DLGAP4: variants seen among roughly 807,000 people sequenced by gnomAD.
DLGAP4 encodes the protein disks large-associated protein 4.
DLGAP4 carries 18 observed loss-of-function variants against 86.9 expected under a neutral mutation model. That is an observed-to-expected ratio of 0.21 (90% CI 0.14 to 0.31). DLGAP4 has a LOEUF of 0.31. Ranked by LOEUF, DLGAP4 falls within the 10% of genes least tolerant of loss-of-function variation. The pLI is 1.00. For missense variants in DLGAP4, 1,085 were observed against 1,362.6 expected (o/e 0.80, Z 3.21); for synonymous variants, 548 against 574.3 (o/e 0.95, Z 0.65).
intron 1 of DLGAP4, among the ~76,000 whole-genome samples, chr20:36,326,416 C>T (rs1384941941): frequency 2.6e-5 from 4 of 152,162 alleles, no homozygotes; most frequent in Non-Finnish European, 5.9e-5. Context: ...TTACAATCTA[C>T]ACTTTAAACT....
chr20:36,332,812 C>T (rs1234643905), intron 1 of DLGAP4, among the ~76,000 whole-genome samples: 1 of 151,960 alleles, frequency 6.6e-6, no homozygotes, highest in African/African-American at 2.4e-5. Context: ...CCCATCCCAG[C>T]CCCCCACCAG....
At chr20:36,383,163 G>T (rs1378605479) in intron 2 of DLGAP4, among the ~76,000 whole-genome samples, 1 of 152,174 alleles carries the variant, frequency 6.6e-6, no homozygotes, top group Non-Finnish European at 1.5e-5. Flanking sequence ...CTCCGCTGGG[G>T]TCTCCACTGA....
rs199806581 is a variant in DLGAP4 at position 36,366,807 on chromosome 20, A to C, written c.-303-238A>C. On this transcript the variant is annotated intron_variant, in intron 1 of 12. Transcript: ENST00000339266. ...TGTGGGGATTCTGTGGGTGGTGGGA[A>C]AGGCACTGTAAATATGCATGACATG... 5.3e-5 allele frequency among the ~76,000 whole-genome samples: 8 copies of C among 152,280 alleles called. No homozygotes were observed. In the East Asian group the frequency reaches 1.5e-3, roughly 29 times the overall value.
rs6127371 is a variant in DLGAP4, at chr20:36,505,463, T to C, written c.2512+4852T>C. ...TAGGGCTTGTTTTAAGTAGGCTTTC[T>C]ATGGACCCCTTCTTAGAATAGTGGT... On this transcript the variant is annotated intron_variant, in intron 10 of 12. Coordinates refer to ENST00000339266, the MANE Select transcript of DLGAP4 (RefSeq NM_001365621.2). Among the ~76,000 whole-genome samples the C allele has an allele frequency of 6.6e-5, 10 of 152,292 alleles. No homozygotes were observed. The East Asian group carries it at 1.9e-3, about 29-fold the overall frequency.
chr20:36,524,613 T>G (rs1302735500), intron 11 of DLGAP4, among the ~76,000 whole-genome samples: 1 of 152,184 alleles, frequency 6.6e-6, no homozygotes, highest in Non-Finnish European at 1.5e-5. Context: ...ATAAAATATA[T>G]TCTGTATCGG....
chr20:36,406,414 A>AT, intron 2 of DLGAP4, among the ~76,000 whole-genome samples: 1 of 151,218 alleles, frequency 6.6e-6, no homozygotes, highest in Admixed American at 6.6e-5. Flanking sequence ...AAAAAAAAAA[A>AT]AAATTCACCC....
At chr20:36,385,142 G>C (rs2031549139) in intron 2 of DLGAP4, among the ~76,000 whole-genome samples, 2 of 152,068 alleles carry the variant, frequency 1.3e-5, no homozygotes, top group Admixed American at 6.6e-5. Flanking sequence ...TAGGAATATG[G>C]CACCACCACC....
rs1421885284 is a variant in DLGAP4, at chr20:36,527,313, C to T, written c.*282C>T. 4 of 282,032 alleles carry T rather than the reference C, an allele frequency of 1.4e-5. No homozygotes were observed. Among genetic ancestry groups the T allele is most frequent in the South Asian group, 6.5e-5 (1 of 15,408 alleles). The allele number at this position is 282,032 out of a possible 1,614,324, so 17.5% of individuals were successfully genotyped here. A position where few individuals can be genotyped will look rare whatever the true frequency, so the allele number is the denominator to read the frequency against. ...CGTGGTGGACTAGATAGATGGACGTCGGCAACTCCCGGCCCAGCCTCCATA... is the reference window on the plus strand; with the variant it reads ...CGTGGTGGACTAGATAGATGGACGTTGGCAACTCCCGGCCCAGCCTCCATA... On this transcript the variant is annotated 3_prime_UTR_variant, in exon 13 of 13. Coordinates refer to ENST00000339266, the MANE Select transcript of DLGAP4 (RefSeq NM_001365621.2).
At chr20:36,310,074 T>G (rs2065038563) in intron 1 of DLGAP4, among the ~76,000 whole-genome samples, 1 of 151,932 alleles carries the variant, frequency 6.6e-6, no homozygotes, top group African/African-American at 2.4e-5. Context: ...TGGCCCATGC[T>G]TGTAATCCCA....
chr20:36,507,527 C>T (rs564158403), intron 10 of DLGAP4, among the ~76,000 whole-genome samples: 14 of 152,258 alleles, frequency 9.2e-5, no homozygotes, highest in East Asian at 1.9e-4. Flanking sequence ...CACACCCAGC[C>T]GTGGCCACAA....
intron 2 of DLGAP4, among the ~76,000 whole-genome samples, chr20:36,377,512 T>C (rs921836350): frequency 6.6e-6 from 1 of 152,226 alleles, no homozygotes; most frequent in African/African-American, 2.4e-5. Context: ...GAATGGTGGC[T>C]ATTATTACTG....
chr20:36,328,312 C>T (rs1214845604), intron 1 of DLGAP4, among the ~76,000 whole-genome samples: 3 of 152,148 alleles, frequency 2.0e-5, no homozygotes, highest in Non-Finnish European at 4.4e-5. Context: ...TCAGCTTCTC[C>T]TGGGCATCTT....
intron 1 of DLGAP4, among the ~76,000 whole-genome samples, chr20:36,328,651 G>A (rs782648472): frequency 2.0e-5 from 3 of 151,802 alleles, no homozygotes; most frequent in Non-Finnish European, 2.9e-5. Flanking sequence ...TTTTTGAGAC[G>A]GAATTTTGCT....
At chr20:36,399,982 A>G (rs919152454) in intron 2 of DLGAP4, among the ~76,000 whole-genome samples, 6 of 152,208 alleles carry the variant, frequency 3.9e-5, no homozygotes, top group African/African-American at 1.4e-4. Flanking sequence ...AAACTTTCAC[A>G]ATGAAGAATT....
chr20:36,504,990 C>CTTTTTTTTTTTTTT (rs757067668), intron 10 of DLGAP4, among the ~76,000 whole-genome samples: 1 of 140,236 alleles, frequency 7.1e-6, no homozygotes, highest in African/African-American at 2.6e-5. Context: ...CACACAGGTT[C>CTTTTTTTTTTTTTT]TTTTTTTTTT....
In DLGAP4 at chr20:36,393,468, G is replaced by A. The variant is rs888453145; in HGVS notation, c.-73+26193G>A. Among the ~76,000 whole-genome samples, 19 of 152,126 alleles carry A rather than the reference G, an allele frequency of 1.2e-4. No homozygotes were observed. Among genetic ancestry groups the A allele is most frequent in the African/African-American group, 4.3e-4 (18 of 41,412 alleles). ...GCTGGGCTCCTGGGAGACGCTCTGGGGTCTGGAAACCCAGCCCTCTTGGTA... is the reference window on the plus strand; with the variant it reads ...GCTGGGCTCCTGGGAGACGCTCTGGAGTCTGGAAACCCAGCCCTCTTGGTA... On this transcript the variant is annotated intron_variant, in intron 2 of 12. Coordinates refer to ENST00000339266, the MANE Select transcript of DLGAP4 (RefSeq NM_001365621.2). The surrounding 1 kb of genome is among the most constrained non-coding windows in gnomAD (Gnocchi z 4.4).
intron 1 of DLGAP4, among the ~76,000 whole-genome samples, chr20:36,330,111 G>A (rs370144416): frequency 1.8e-4 from 27 of 151,860 alleles, no homozygotes; most frequent in East Asian, 1.5e-3. Flanking sequence ...TCCTAATGCC[G>A]TTCTGTTTTC....
chr20:36,504,249 TC>T (rs2036267870), intron 10 of DLGAP4, among the ~76,000 whole-genome samples: 1 of 152,202 alleles, frequency 6.6e-6, no homozygotes, highest in Non-Finnish European at 1.5e-5. Context: ...TTCCCCATTA[TC>T]CCCTCTGCCT....
At chr20:36,487,902 T>C (rs2035485312) in intron 7 of DLGAP4, among the ~76,000 whole-genome samples, 1 of 152,074 alleles carries the variant, frequency 6.6e-6, no homozygotes, top group Non-Finnish European at 1.5e-5. Context: ...ACAACTGCCA[T>C]GTAAAAGGCA....
Sources: gnomAD v4.1 joint callset for allele counts (sites outside exome capture counted in the v4.1 genomes callset) on GRCh38, gnomAD v4.1.1 for gene constraint, Gnocchi (gnomAD v3.1) non-coding constraint, MANE v1.5 for transcripts, NCBI Gene and HGNC (gene_info 2026-07-23, HGNC 2026-07-21) for gene names.